Variants in CEACAM3 observed in about 807,000 individuals in gnomAD.
CEACAM3 encodes cell adhesion molecule CEACAM3.
In CEACAM3, 32 loss-of-function variants were observed where a neutral mutation model predicts 30.1. The observed-to-expected ratio is 1.06, with a 90% CI of 0.80 to 1.43. The LOEUF is 1.43. Ranked by LOEUF, CEACAM3 falls within the 40% of genes most tolerant of loss-of-function variation. CEACAM3 has a pLI of 0.00. For missense variants in CEACAM3, 290 were observed against 316.3 expected (o/e 0.92, Z 0.63); for synonymous variants, 134 against 127.2 (o/e 1.05, Z -0.36).
At position 41,808,799 on chromosome 19, in the gene CEACAM3, T is replaced by C. The variant is rs563858989; in HGVS notation, c.425-14T>C. The C allele has an allele frequency of 6.2e-7, 1 of 1,610,226 alleles. No individual in the cohort carries two copies. Among genetic ancestry groups the C allele is most frequent in the East Asian group, 2.2e-5 (1 of 44,774 alleles). On this transcript the variant is annotated splice_polypyrimidine_tract_variant and intron_variant, in intron 2 of 6. Transcript: ENST00000357396. ...ACTTGGGCCTCTATCCCCTTTGCCT[T>C]CTTCTTTCTGCAGAAGAAAATGCCC...
chr19:41,797,833 C>A lies in CEACAM3; in HGVS notation c.309C>A (p.Thr103=), dbSNP rs61736644. 5.1e-3 allele frequency: 8,148 copies of A among 1,613,112 alleles called. 412 individuals are homozygous for A. The African/African-American group carries it at 0.092, about 18-fold the overall frequency. ...ACAGCGGTCGAGAGACAATATACACCAATGCATCCCTGCTGATCCAGAATG... is the reference window on the plus strand; with the variant it reads ...ACAGCGGTCGAGAGACAATATACACAAATGCATCCCTGCTGATCCAGAATG... The part of the protein sequence containing the change: ...AAYSGRETIY[T]NASLLIQNVT... Residue 103 remains threonine, a synonymous_variant, in exon 2 of 7, where the codon ACC becomes ACA. Transcript: ENST00000357396.
Position 41,797,777 on chromosome 19 carries a change from G to A in CEACAM3, c.253G>A (p.Gly85Arg). 1 of 1,612,422 alleles carries A rather than the reference G, an allele frequency of 6.2e-7. No individual in the cohort carries two copies. The highest frequency in any genetic ancestry group is 8.5e-7 in the Non-Finnish European group (1 of 1,180,006). Residue 85 changes from glycine to arginine, a missense_variant, in exon 2 of 7, where the codon GGA becomes AGA. Coordinates refer to ENST00000357396, the MANE Select transcript of CEACAM3 (RefSeq NM_001815.5). ...GNSLIVGYVI[G>R]TQQATPGAAY... ...CAGTCTAATTGTAGGATATGTAATA[G>A]GAACTCAACAAGCTACCCCAGGGGC...
At chr19:41,807,365 G>C in intron 2 of CEACAM3, 1 of 1,605,412 alleles carries the variant, frequency 6.2e-7, no homozygotes, top group Admixed American at 1.7e-5. Flanking sequence ...CAGCTACAGT[G>C]ACCCAGTCAC....
chr19:41,800,426 C>T (rs1163382165), intron 2 of CEACAM3, among the ~76,000 whole-genome samples: 19 of 152,046 alleles, frequency 1.2e-4, no homozygotes, highest in African/African-American at 4.6e-4. Flanking sequence ...GTCTCCCTTT[C>T]CCCGGGAGAG....
At chr19:41,806,977 G>A (rs367928783) in intron 2 of CEACAM3, 33 of 1,490,074 alleles carry the variant, frequency 2.2e-5, no homozygotes, top group Non-Finnish European at 2.7e-5. Context: ...GTGAGCCACC[G>A]CACCCGGCCT....
intron 2 of CEACAM3, among the ~76,000 whole-genome samples, chr19:41,803,878 G>A (rs529356032): frequency 2.8e-4 from 42 of 152,120 alleles, no homozygotes; most frequent in African/African-American, 8.0e-4. Flanking sequence ...TCAGGAGTTC[G>A]AGACCAGCCT....
At chr19:41,798,869 T>C (rs946241918) in intron 2 of CEACAM3, among the ~76,000 whole-genome samples, 1 of 151,454 alleles carries the variant, frequency 6.6e-6, no homozygotes, top group Non-Finnish European at 1.5e-5. Flanking sequence ...AAAAAAAAAA[T>C]TGAGGAACAG....
At chr19:41,806,230 AT>A (rs2073198711) in intron 2 of CEACAM3, among the ~76,000 whole-genome samples, 1 of 152,052 alleles carries the variant, frequency 6.6e-6, no homozygotes, top group Non-Finnish European at 1.5e-5. Context: ...GTTTTTCGCC[AT>A]GTTGGTCAGG....
intron 1 of CEACAM3, chr19:41,797,051 T>C (rs2073108084): frequency 6.6e-6 from 2 of 302,418 alleles, no homozygotes; most frequent in Non-Finnish European, 1.2e-5. Context: ...CACTAAAACC[T>C]GTCTTTGACC....
In CEACAM3 at chr19:41,808,949, A is replaced by T; in HGVS notation, c.542+19A>T. 2 of 1,521,448 alleles carry T rather than the reference A, an allele frequency of 1.3e-6. No homozygotes were observed. The highest frequency in any genetic ancestry group is 1.8e-6 in the Non-Finnish European group (2 of 1,125,548). The allele number at this position is 1,521,448 out of a possible 1,614,324, so 94.2% of individuals were successfully genotyped here. A position where few individuals can be genotyped will look rare whatever the true frequency, so the allele number is the denominator to read the frequency against. On this transcript the variant is annotated intron_variant, in intron 3 of 6. Coordinates refer to ENST00000357396, the MANE Select transcript of CEACAM3 (RefSeq NM_001815.5). Reference sequence around the variant, plus strand: ...CTGGAAGGTACCACAGCTTTTTCCCATCCTTCTCCCACCCCCTAGGCTGAC... The same window carrying T: ...CTGGAAGGTACCACAGCTTTTTCCCTTCCTTCTCCCACCCCCTAGGCTGAC...
At chr19:41,803,386 T>C (rs1160981288) in intron 2 of CEACAM3, among the ~76,000 whole-genome samples, 1 of 151,766 alleles carries the variant, frequency 6.6e-6, no homozygotes, top group Non-Finnish European at 1.5e-5. Flanking sequence ...GGTGTGTCAG[T>C]AGAAACTTCC....
intron 2 of CEACAM3, among the ~76,000 whole-genome samples, chr19:41,805,161 A>G (rs2123009275): frequency 6.6e-6 from 1 of 152,248 alleles, no homozygotes; most frequent in Non-Finnish European, 1.5e-5. Context: ...TTAATTATAG[A>G]CACCAAGCTG....
At chr19:41,800,361 C>T (rs541214439) in intron 2 of CEACAM3, among the ~76,000 whole-genome samples, 277 of 152,072 alleles carry the variant, frequency 1.8e-3, no homozygotes, top group Non-Finnish European at 2.8e-3. Context: ...CGAGGTCTAG[C>T]GGTAGCGTAA....
intron 2 of CEACAM3, among the ~76,000 whole-genome samples, chr19:41,800,012 G>A (rs1457105848): frequency 5.3e-5 from 8 of 152,082 alleles, no homozygotes; most frequent in African/African-American, 1.7e-4. Context: ...CCCAGGCGCC[G>A]AGGCAAGAGA....
chr19:41,809,088 C>G, intron 3 of CEACAM3, 158 bp downstream of exon 3: 1 of 589,552 alleles, frequency 1.7e-6, no homozygotes, highest in South Asian at 2.6e-5. Flanking sequence ...TCGTCAGCTC[C>G]TGACCCTGGG....
At chr19:41,809,057 T>C (rs936885527) in intron 3 of CEACAM3, 127 bp downstream of exon 3, 6 of 677,960 alleles carry the variant, frequency 8.9e-6, no homozygotes, top group Admixed American at 2.7e-5. Flanking sequence ...GATCCTTCCC[T>C]CTTATTCCAC....
At chr19:41,810,537 G>C (rs2073241160) in intron 5 of CEACAM3, among the ~76,000 whole-genome samples, 183 bp downstream of exon 5, 1 of 152,058 alleles carries the variant, frequency 6.6e-6, no homozygotes, top group Non-Finnish European at 1.5e-5. Context: ...CCCACGCCCT[G>C]TGCTGACCCC....
At chr19:41,803,758 G>T (rs1200155875) in intron 2 of CEACAM3, among the ~76,000 whole-genome samples, 1 of 57,056 alleles carries the variant, frequency 1.8e-5, no homozygotes, top group African/African-American at 3.3e-5. Context: ...GAGCCACCAT[G>T]CCCGGCCTGA....
At chr19:41,807,320 C>A in intron 2 of CEACAM3, 3 of 1,608,030 alleles carry the variant, frequency 1.9e-6, no homozygotes, top group Non-Finnish European at 2.6e-6. Flanking sequence ...TGACACAGGA[C>A]CCTATGAGTG....
Sources: allele counts gnomAD v4.1 joint callset (sites outside exome capture counted in the v4.1 genomes callset), GRCh38; gene constraint gnomAD v4.1.1; transcripts MANE v1.5; gene names NCBI Gene and HGNC (gene_info 2026-07-23, HGNC 2026-07-21).